Variants in PHF10 observed in about 807,000 individuals in gnomAD.
The protein encoded by PHF10 is PHD finger protein 10.
In PHF10, 51 loss-of-function variants were observed where a neutral mutation model predicts 68.5. The observed-to-expected ratio is 0.74, with a 90% CI of 0.59 to 0.94. The LOEUF (loss-of-function observed/expected upper bound fraction) is 0.94. PHF10 is among the 40% of genes least tolerant of loss of function. PHF10 has a pLI of 0.00. For synonymous variants in PHF10, 204 were observed against 203.5 expected, an observed-to-expected ratio of 1.00 and a Z score of -0.02; for missense variants, 460 against 602.6, an observed-to-expected ratio of 0.76 and a Z score of 2.48.
chr6:169,724,396 G>A lies in PHF10; in HGVS notation c.-465C>T, dbSNP rs1789275356. 2.7e-5 allele frequency among the ~76,000 whole-genome samples: 2 copies of A among 73,370 alleles called. No individual in the cohort carries two copies. Among genetic ancestry groups the A allele is most frequent in the South Asian group, 5.2e-4 (1 of 1,908 alleles). 48.1% of individuals were successfully genotyped at this position (73,370 alleles called of 152,430 possible). On this transcript the variant is annotated 5_prime_UTR_variant, in exon 1 of 12. Coordinates refer to ENST00000339209, the MANE Select transcript of PHF10 (RefSeq NM_018288.4). ...GCCCCGCGGCCGCCTCAGCCCCGCC[G>A]CTCGCCTCAGCCCCGCCGCTCGCCT... is the stretch of plus-strand genomic sequence containing the variant.
chr6:169,719,088 A>T (rs1789117447), intron 2 of PHF10, 170 bp from the exon 3 acceptor site: 2 of 519,438 alleles, frequency 3.9e-6, no homozygotes, highest in Non-Finnish European at 6.8e-6. Flanking sequence ...GAATAGAAAT[A>T]ATTATCTGGT....
chr6:169,717,133 T>C (rs575209577), intron 4 of PHF10, among the ~76,000 whole-genome samples: 1 of 152,046 alleles, frequency 6.6e-6, no homozygotes, highest in Non-Finnish European at 1.5e-5. Context: ...GCGCCTGTAG[T>C]ACCAGCTACT....
intron 3 of PHF10, 33 bp downstream of exon 3, chr6:169,718,751 TATCA>T (rs771363739): frequency 8.7e-7 from 1 of 1,149,064 alleles, no homozygotes; most frequent in South Asian, 1.4e-5. Context: ...AAAGAATTAC[TATCA>T]ATTATAAATT....
intron 3 of PHF10, 143 bp downstream of exon 3, chr6:169,718,645 G>A: frequency 1.8e-6 from 1 of 557,472 alleles, no homozygotes; most frequent in East Asian, 3.0e-5. Flanking sequence ...TCTAGCCTGG[G>A]TTACAGAATG....
At chr6:169,721,922 G>A (rs1469883248) in intron 1 of PHF10, among the ~76,000 whole-genome samples, 7 of 152,268 alleles carry the variant, frequency 4.6e-5, no homozygotes, top group Admixed American at 2.6e-4. Flanking sequence ...AAGCAATCCT[G>A]CAAAAGAATA....
intron 11 of PHF10, 189 bp from the exon 12 acceptor site, chr6:169,704,277 C>G (rs1473152725): frequency 5.8e-6 from 3 of 515,882 alleles, no homozygotes; most frequent in Non-Finnish European, 6.9e-6. Flanking sequence ...CAATGCCATG[C>G]AAAATTCATT....
At chr6:169,715,187 C>T (rs1406873321) in intron 6 of PHF10, among the ~76,000 whole-genome samples, 1 of 151,972 alleles carries the variant, frequency 6.6e-6, no homozygotes, top group East Asian at 1.9e-4. Context: ...AATTAACATG[C>T]AAATCTCTTA....
At chr6:169,719,587 C>T (rs1308826861) in intron 2 of PHF10, among the ~76,000 whole-genome samples, 1 of 152,092 alleles carries the variant, frequency 6.6e-6, no homozygotes, top group Non-Finnish European at 1.5e-5. Context: ...AAAAAGTAAC[C>T]TTCAAAAAGA....
At chr6:169,722,442 T>A (rs1224350632) in intron 1 of PHF10, among the ~76,000 whole-genome samples, 1 of 152,188 alleles carries the variant, frequency 6.6e-6, no homozygotes, top group Non-Finnish European at 1.5e-5. Context: ...GATTTTTATA[T>A]CCTTAAACTT....
intron 2 of PHF10, 52 bp downstream of exon 2, chr6:169,720,953 A>C (rs1244572476): frequency 6.5e-6 from 6 of 919,596 alleles, no homozygotes; most frequent in Non-Finnish European, 1.0e-5. Context: ...GAGGATGTTA[A>C]GGCAAAGAGG....
intron 9 of PHF10, 32 bp from the exon 10 acceptor site, chr6:169,705,756 G>T (rs1562984022): frequency 9.9e-7 from 1 of 1,012,578 alleles, no homozygotes; most frequent in Non-Finnish European, 1.6e-6. Context: ...ATAAATTCAT[G>T]CCAGAAGAGC....
chr6:169,720,676 T>G lies in PHF10; in HGVS notation c.194+329A>C, dbSNP rs141275642. Among the ~76,000 whole-genome samples, 149 of 152,274 alleles carry G rather than the reference T, an allele frequency of 9.8e-4. 1 individual carries two copies. Among genetic ancestry groups the G allele is most frequent in the African/African-American group, 3.4e-3 (140 of 41,542 alleles). Reference sequence around the variant, plus strand: ...GGGAGAAAGGGAGGTTATTGCTTAATGGTTATAAAGTTTGGGGTAGTGAAA... The same window carrying G: ...GGGAGAAAGGGAGGTTATTGCTTAAGGGTTATAAAGTTTGGGGTAGTGAAA... On this transcript the variant is annotated intron_variant, in intron 2 of 11. Transcript: ENST00000339209.
intron 9 of PHF10, chr6:169,708,981 G>C (rs1210363013): frequency 1.3e-5 from 2 of 151,718 alleles, no homozygotes; most frequent in African/African-American, 4.8e-5. Flanking sequence ...GTAAAAACAA[G>C]TACAAAAATC....
intron 9 of PHF10, chr6:169,709,303 C>T (rs1788875916): frequency 6.6e-6 from 1 of 152,046 alleles, no homozygotes; most frequent in Non-Finnish European, 1.5e-5. Context: ...CTTGGCAAAA[C>T]TTTCTCATCA....
At chr6:169,712,850 T>C (rs1311149214) in intron 7 of PHF10, among the ~76,000 whole-genome samples, 2 of 152,072 alleles carry the variant, frequency 1.3e-5, no homozygotes, top group Non-Finnish European at 2.9e-5. Flanking sequence ...CCAGCTCACA[T>C]CCACCTCGAC....
rs1010997930 is a variant in PHF10 at position 169,724,462 on chromosome 6, C to T, written c.-531G>A. On this transcript the variant is annotated 5_prime_UTR_variant, in exon 1 of 12. Coordinates refer to ENST00000339209, the MANE Select transcript of PHF10 (RefSeq NM_018288.4). ...CCTCAGCCCCGCGGCCGCCTCAGCC[C>T]CGCCGCCGCCTGGCTCCCCACGGCC... 6.9e-6 allele frequency among the ~76,000 whole-genome samples: 1 copy of T among 145,872 alleles called. No individual in the cohort carries two copies. The highest frequency in any genetic ancestry group is 2.5e-5 in the African/African-American group (1 of 40,584).
At chr6:169,705,815 CT>C (rs925713771) in intron 9 of PHF10, 91 bp from the exon 10 acceptor site, 8 of 736,574 alleles carry the variant, frequency 1.1e-5, no homozygotes, top group Non-Finnish European at 2.0e-5. Context: ...CCTATTTTTA[CT>C]TTTGGTAACT....
chr6:169,706,338 A>G (rs560128917), intron 9 of PHF10, among the ~76,000 whole-genome samples: 1 of 152,304 alleles, frequency 6.6e-6, no homozygotes, highest in East Asian at 1.9e-4. Context: ...CATGTCTAAT[A>G]AAAGAATCTA....
chr6:169,712,783 C>T (rs1256129363), intron 7 of PHF10, among the ~76,000 whole-genome samples: 1 of 151,988 alleles, frequency 6.6e-6, no homozygotes, highest in South Asian at 2.1e-4. Context: ...CCCTCTTTGC[C>T]CTCAACCCAA....
Sources: gnomAD v4.1 joint callset for allele counts (sites outside exome capture counted in the v4.1 genomes callset) on GRCh38, gnomAD v4.1.1 for gene constraint, MANE v1.5 for transcripts, NCBI Gene and HGNC (gene_info 2026-07-23, HGNC 2026-07-21) for gene names.